PCDHA12: variants seen among roughly 807,000 people sequenced by gnomAD.
The protein encoded by PCDHA12 is protocadherin alpha 12, also known as protocadherin alpha-12.
PCDHA12 carries 44 observed loss-of-function variants against 60.0 expected under a neutral mutation model. The ratio of observed to expected loss-of-function variants is 0.73; its 90% confidence interval spans 0.58 to 0.94. The LOEUF (loss-of-function observed/expected upper bound fraction) is 0.94, where lower values mean the gene tolerates loss of function less well. Ranked by LOEUF, PCDHA12 falls within the 40% of genes least tolerant of loss-of-function variation. The probability of loss-of-function intolerance (pLI) is 0.00; values close to 1 mark genes in which losing one functional copy is unlikely to be tolerated. For synonymous variants in PCDHA12, 569 were observed against 553.0 expected (o/e 1.03, Z -0.40); for missense variants, 1,276 against 1,239.7 (o/e 1.03, Z -0.44).
chr5:140,883,841 C>T (rs2059844881), intron 1 of PCDHA12: 1 of 1,612,742 alleles, frequency 6.2e-7, no homozygotes, highest in Non-Finnish European at 8.5e-7. Context: ...GCCGTTGGAC[C>T]ACGAGGAGCT....
intron 1 of PCDHA12, among the ~76,000 whole-genome samples, chr5:140,891,677 TTCTC>T (rs1335607297): frequency 2.6e-5 from 4 of 152,240 alleles, no homozygotes; most frequent in African/African-American, 9.6e-5. Context: ...AGTTTAATAA[TTCTC>T]TCTTCTTGCT....
At chr5:140,884,138 G>C (rs782798249) in intron 1 of PCDHA12, 2 of 1,613,410 alleles carry the variant, frequency 1.2e-6, no homozygotes, top group Non-Finnish European at 1.7e-6. Context: ...CCCGTTCCGC[G>C]TGGGGCTGTA....
rs187345731 is a variant in PCDHA12, at chr5:140,885,533, C to T, written c.2367+7694C>T. Among the ~76,000 whole-genome samples, 472 of 152,120 alleles carry T rather than the reference C, an allele frequency of 3.1e-3. 3 individuals carry two copies. Among genetic ancestry groups the T allele is most frequent in the Middle Eastern group, 0.014 (4 of 294 alleles). On this transcript the variant is annotated intron_variant, in intron 1 of 3. Coordinates refer to ENST00000398631, the MANE Select transcript of PCDHA12 (RefSeq NM_018903.4). Reference sequence around the variant, plus strand: ...CTGTGCTATCATTTCATATATTTCCCAAAATATTGGTGTTATTTCTACGAA... The same window carrying T: ...CTGTGCTATCATTTCATATATTTCCTAAAATATTGGTGTTATTTCTACGAA...
intron 1 of PCDHA12, among the ~76,000 whole-genome samples, chr5:140,965,934 G>C (rs1186937423): frequency 6.6e-6 from 1 of 152,212 alleles, no homozygotes; most frequent in Non-Finnish European, 1.5e-5. Context: ...CTCCCGGAAA[G>C]AGGGCAGCAT....
chr5:140,876,848 A>C lies in PCDHA12; in HGVS notation c.1376A>C (p.Glu459Ala), dbSNP rs1562720449. 5.0e-6 allele frequency: 8 copies of C among 1,614,064 alleles called. No individual in the cohort carries two copies. Among genetic ancestry groups the C allele is most frequent in the Non-Finnish European group, 5.1e-6 (6 of 1,179,994 alleles). ...NDNAPAFAQP[E>A]YTVFVKENNP... ...AATGCGCCTGCGTTCGCGCAGCCCG[A>C]GTACACAGTGTTCGTGAAGGAGAAC... Residue 459 changes from glutamate to alanine, a missense_variant, in exon 1 of 4, where the codon GAG (glutamate) becomes GCG (alanine). By Grantham distance (107) the Glu-to-Ala change is moderately radical. Transcript: ENST00000398631.
At chr5:140,953,331 A>G (rs2153698892) in intron 1 of PCDHA12, among the ~76,000 whole-genome samples, 1 of 152,248 alleles carries the variant, frequency 6.6e-6, no homozygotes, top group South Asian at 2.1e-4. Flanking sequence ...CATAGAATTT[A>G]GGGCTCACCT....
At chr5:140,953,058 C>T (rs1186621578) in intron 1 of PCDHA12, among the ~76,000 whole-genome samples, 1 of 152,202 alleles carries the variant, frequency 6.6e-6, no homozygotes, top group African/African-American at 2.4e-5. Flanking sequence ...TCACCTCTCA[C>T]AGGCCCCATC....
chr5:141,007,349 G>C (rs532404832), intron 3 of PCDHA12, among the ~76,000 whole-genome samples: 204 of 144,744 alleles, frequency 1.4e-3, no homozygotes, highest in Middle Eastern at 0.011. Flanking sequence ...TCAGGAGTTC[G>C]AGACCAGCCT....
intron 3 of PCDHA12, among the ~76,000 whole-genome samples, chr5:141,002,660 T>C (rs1366913026): frequency 1.3e-5 from 2 of 152,170 alleles, no homozygotes; most frequent in Admixed American, 1.3e-4. Context: ...AGGGCTCTTG[T>C]CAGGACCAAA....
At chr5:140,938,887 A>ACG (rs2092246756) in intron 1 of PCDHA12, among the ~76,000 whole-genome samples, 1 of 152,094 alleles carries the variant, frequency 6.6e-6, no homozygotes, top group South Asian at 2.1e-4. Flanking sequence ...ACACACACAC[A>ACG]CACAGATGCG....
At chr5:140,951,247 A>G (rs185452142) in intron 1 of PCDHA12, among the ~76,000 whole-genome samples, 1 of 152,230 alleles carries the variant, frequency 6.6e-6, no homozygotes, top group Non-Finnish European at 1.5e-5. Context: ...TTAGGAATGC[A>G]TCACATTTTT....
At chr5:140,937,174 A>G (rs1449263512) in intron 1 of PCDHA12, among the ~76,000 whole-genome samples, 1 of 151,302 alleles carries the variant, frequency 6.6e-6, no homozygotes, top group Non-Finnish European at 1.5e-5. Flanking sequence ...AGTAGCTGGG[A>G]CTACAGGCGC....
chr5:140,965,435 T>C (rs1327952223), intron 1 of PCDHA12, among the ~76,000 whole-genome samples: 1 of 151,992 alleles, frequency 6.6e-6, no homozygotes, highest in Non-Finnish European at 1.5e-5. Context: ...CTGCAGTCAT[T>C]GAAATTGCTG....
Position 140,882,079 on chromosome 5 carries a change from G to A in PCDHA12, c.2367+4240G>A. ...CTTACACGTTCATGCGCATGGTGTC[G>A]CTCTTCACTGAGAACGTTTCCGCGA... On this transcript the variant is annotated intron_variant, in intron 1 of 3. Transcript: ENST00000398631. The A allele has an allele frequency of 3.1e-6, 3 of 952,852 alleles. No homozygotes were observed. In the East Asian group the frequency reaches 7.8e-5, roughly 25 times the overall value. 59.0% of individuals were successfully genotyped at this position (952,852 alleles called of 1,614,324 possible). A position where few individuals can be genotyped will look rare whatever the true frequency, so the allele number is the denominator to read the frequency against.
intron 3 of PCDHA12, 71 bp from the exon 4 acceptor site, chr5:141,009,556 A>T: frequency 6.4e-7 from 1 of 1,564,868 alleles, no homozygotes; most frequent in Non-Finnish European, 8.7e-7. Flanking sequence ...GTACTCCTGT[A>T]CTCTACCAGC....
rs782366361 is a variant in PCDHA12, at chr5:140,884,693, T to C, written c.2367+6854T>C. On this transcript the variant is annotated intron_variant, in intron 1 of 3. Coordinates refer to ENST00000398631, the MANE Select transcript of PCDHA12 (RefSeq NM_018903.4). ...CTTATATTTTAAAAAATTGTCTTAGTAAACACTTTAGCCTTCCTTGCAGTT... is the reference window on the plus strand; with the variant it reads ...CTTATATTTTAAAAAATTGTCTTAGCAAACACTTTAGCCTTCCTTGCAGTT... The C allele has an allele frequency of 2.1e-5, 32 of 1,524,768 alleles. No individual in the cohort carries two copies. The East Asian group carries it at 6.9e-4, about 33-fold the overall frequency. The allele number at this position is 1,524,768 out of a possible 1,614,324, so 94.5% of individuals were successfully genotyped here. A position where few individuals can be genotyped will look rare whatever the true frequency, so the allele number is the denominator to read the frequency against.
In PCDHA12 at chr5:140,982,563, G is replaced by C; in HGVS notation, c.2515G>C (p.Glu839Gln). 3 of 1,614,072 alleles carry C rather than the reference G, an allele frequency of 1.9e-6. No homozygotes were observed. The highest frequency in any genetic ancestry group is 2.5e-6 in the Non-Finnish European group (3 of 1,179,960). The change falls in exon 3 of 4, where the codon GAA (glutamate) becomes CAA (glutamine). Residue 839 changes from glutamate (E) to glutamine (Q), a missense_variant and splice_region_variant. By Grantham distance (29) the Glu-to-Gln change is conservative (BLOSUM62 2). Transcript: ENST00000398631. Reference protein sequence around the residue: ...QWPTVSSATPEPEAGEVSPPV... With the variant: ...QWPTVSSATPQPEAGEVSPPV... Reference sequence around the variant, plus strand: ...GCCAACAGTATCCAGTGCAACACCAGGTAAAGAGCTGGGGTCTCTCCATTC... The same window carrying C: ...GCCAACAGTATCCAGTGCAACACCACGTAAAGAGCTGGGGTCTCTCCATTC...
At chr5:140,975,352 T>G (rs2096663445) in intron 1 of PCDHA12, among the ~76,000 whole-genome samples, 1 of 152,256 alleles carries the variant, frequency 6.6e-6, no homozygotes, top group African/African-American at 2.4e-5. Flanking sequence ...TAAAGCCAAC[T>G]GTGCTACATA....
intron 1 of PCDHA12, chr5:140,967,112 C>G: frequency 6.2e-7 from 1 of 1,612,994 alleles, no homozygotes; most frequent in Non-Finnish European, 8.5e-7. Context: ...GCAGCGGCCT[C>G]GCTGCCTGCT....
Sources: allele counts gnomAD v4.1 joint callset (sites outside exome capture counted in the v4.1 genomes callset), GRCh38; gene constraint gnomAD v4.1.1; transcripts MANE v1.5; gene names NCBI Gene and HGNC (gene_info 2026-07-23, HGNC 2026-07-21).